Variants in ATP2C1 observed in about 807,000 individuals in gnomAD.
ATP2C1 encodes ATPase secretory pathway Ca2+ transporting 1.
Under a neutral mutation model 120.5 loss-of-function variants are expected in ATP2C1, and 31 were observed. The observed-to-expected ratio is 0.26, with a 90% CI of 0.19 to 0.35. ATP2C1 has a LOEUF of 0.35. Ranked by LOEUF, ATP2C1 falls within the 10% of genes least tolerant of loss-of-function variation. The probability of loss-of-function intolerance (pLI) is 1.00; values close to 1 mark genes in which losing one functional copy is unlikely to be tolerated. For missense variants in ATP2C1, 731 were observed against 1,107.5 expected (o/e 0.66, Z 4.83); for synonymous variants, 351 against 358.7 (o/e 0.98, Z 0.24).
At chr3:130,907,279 A>T (rs1004010125) in intron 2 of ATP2C1, among the ~76,000 whole-genome samples, 1 of 152,100 alleles carries the variant, frequency 6.6e-6, no homozygotes, top group East Asian at 1.9e-4. Flanking sequence ...GGTATCCTCT[A>T]CATCAGAAAC....
chr3:130,857,144 A>G lies in ATP2C1; in HGVS notation c.108+6216A>G, dbSNP rs369944610. Among the ~76,000 whole-genome samples the G allele has an allele frequency of 1.1e-3, 175 of 152,328 alleles. 5 individuals carry two copies. The South Asian group carries it at 0.022, about 19-fold the overall frequency. ...GTGGAACTATTTTATTATGGTAATGACAACCTTTTCCTCTATCTGAAGGGA... is the reference window on the plus strand; with the variant it reads ...GTGGAACTATTTTATTATGGTAATGGCAACCTTTTCCTCTATCTGAAGGGA... On this transcript the variant is annotated intron_variant, in intron 1 of 26. Coordinates refer to the ATP2C1 transcript ENST00000504381.
intron 2 of ATP2C1, among the ~76,000 whole-genome samples, chr3:130,925,165 CA>C (rs2059147399): frequency 6.6e-6 from 1 of 152,032 alleles, no homozygotes; most frequent in Non-Finnish European, 1.5e-5. Flanking sequence ...GTCATATTAC[CA>C]GAATTGTTTT....
chr3:130,918,549 G>C, intron 2 of ATP2C1: 1 of 745,850 alleles, frequency 1.3e-6, no homozygotes, highest in South Asian at 1.4e-5. Flanking sequence ...CTCTCACCAC[G>C]GTCCATGTTA....
chr3:130,864,545 A>G (rs1477978394), intron 1 of ATP2C1, among the ~76,000 whole-genome samples: 3 of 152,224 alleles, frequency 2.0e-5, no homozygotes, highest in African/African-American at 4.8e-5. Context: ...AGGCCATTTC[A>G]GAGACCTTCA....
intron 5 of ATP2C1, among the ~76,000 whole-genome samples, chr3:130,936,430 A>T (rs901118705): frequency 6.6e-6 from 1 of 152,214 alleles, no homozygotes; most frequent in Admixed American, 6.5e-5. Flanking sequence ...TATATTCTAC[A>T]TTGCAGATTA....
At position 131,002,403 on chromosome 3, in the gene ATP2C1, G is replaced by A. The variant is rs1304355570; in HGVS notation, c.*1053G>A. Reference sequence around the variant, plus strand: ...AGTATATGTGGAAGATTCTTTGCTGGTCTTGCTCTGTGTGCATCTGAAGCT... The same window carrying A: ...AGTATATGTGGAAGATTCTTTGCTGATCTTGCTCTGTGTGCATCTGAAGCT... On this transcript the variant is annotated 3_prime_UTR_variant, in exon 28 of 28. Transcript: ENST00000510168. 1.0e-6 allele frequency: 1 copy of A among 985,242 alleles called. No individual in the cohort carries two copies. The highest frequency in any genetic ancestry group is 6.2e-5 in the Admixed American group (1 of 16,258). The allele number at this position is 985,242 out of a possible 1,614,324, so 61.0% of individuals were successfully genotyped here.
intron 1 of ATP2C1, among the ~76,000 whole-genome samples, chr3:130,861,296 G>T (rs2068005077): frequency 6.6e-6 from 1 of 152,100 alleles, no homozygotes; most frequent in Non-Finnish European, 1.5e-5. Flanking sequence ...TTCTCTAGGA[G>T]GTGAGGTATT....
chr3:130,911,425 AG>A (rs1225416095), intron 2 of ATP2C1, among the ~76,000 whole-genome samples: 1 of 150,296 alleles, frequency 6.7e-6, no homozygotes, highest in Non-Finnish European at 1.5e-5. Context: ...ATTTTTTTGA[AG>A]GGTTTTTTGT....
At chr3:130,924,165 A>G (rs1220094377) in intron 2 of ATP2C1, among the ~76,000 whole-genome samples, 1 of 148,242 alleles carries the variant, frequency 6.7e-6, no homozygotes, top group Non-Finnish European at 1.5e-5. Flanking sequence ...TTTTCATTGC[A>G]TCATTGTTAT....
intron 19 of ATP2C1, 94 bp downstream of exon 19, chr3:130,979,513 G>T: frequency 2.3e-6 from 3 of 1,299,724 alleles, no homozygotes; most frequent in East Asian, 5.0e-5. Context: ...ATATGTTTAT[G>T]TAATATTGAG....
chr3:130,934,835 A>G (rs757690181), intron 5 of ATP2C1, 124 bp downstream of exon 5: 23 of 714,612 alleles, frequency 3.2e-5, no homozygotes, highest in Non-Finnish European at 5.4e-5. Flanking sequence ...TTCTGCTTTT[A>G]TTTTATTCTT....
chr3:130,891,968 A>G (rs1165092958), upstream of ATP2C1, among the ~76,000 whole-genome samples: 1 of 152,160 alleles, frequency 6.6e-6, no homozygotes, highest in South Asian at 2.1e-4. Flanking sequence ...TTCTTGGTAA[A>G]GTTGATCTTG....
intron 2 of ATP2C1, among the ~76,000 whole-genome samples, chr3:130,925,826 C>T (rs1447765506): frequency 6.6e-6 from 1 of 151,982 alleles, no homozygotes; most frequent in Non-Finnish European, 1.5e-5. Context: ...GGGTGTGGTT[C>T]CCAGTCCAGT....
chr3:130,929,425 G>T (rs532917648), intron 2 of ATP2C1, among the ~76,000 whole-genome samples: 1 of 152,300 alleles, frequency 6.6e-6, no homozygotes, highest in East Asian at 1.9e-4. Flanking sequence ...TTTGCTTAAA[G>T]ATACTGCTTT....
At chr3:130,999,739 T>A in intron 27 of ATP2C1, 80 bp downstream of exon 27, 1 of 1,331,254 alleles carries the variant, frequency 7.5e-7, no homozygotes, top group Non-Finnish European at 1.0e-6. Flanking sequence ...ATTTTAAAAT[T>A]CTTTTAAAAT....
At chr3:131,007,319 C>A (rs2063154254), downstream of ATP2C1, among the ~76,000 whole-genome samples, 1 of 152,196 alleles carries the variant, frequency 6.6e-6, no homozygotes, top group African/African-American at 2.4e-5. Flanking sequence ...TTTTGCTATT[C>A]CTATCCTGTT....
intron 22 of ATP2C1, among the ~76,000 whole-genome samples, 171 bp downstream of exon 22, chr3:130,994,269 G>A (rs1388858201): frequency 2.6e-5 from 4 of 152,108 alleles, no homozygotes. Flanking sequence ...TGATTTGTGT[G>A]GCTGGAACAG....
intron 7 of ATP2C1, 37 bp from the exon 8 acceptor site, chr3:130,941,554 T>G: frequency 6.4e-7 from 1 of 1,561,664 alleles, no homozygotes; most frequent in Non-Finnish European, 8.8e-7. Flanking sequence ...ATGAATTTTT[T>G]TTTTTTAACC....
Position 130,964,366 on chromosome 3 carries a change from A to G in ATP2C1, c.1024+271A>G, listed in dbSNP as rs80246483. ...TACAACAACTGAAATCTTGGAGTAA[A>G]ATTAATAGAATTTTTTTCTTGTGAC... is the stretch of plus-strand genomic sequence containing the variant. On this transcript the variant is annotated intron_variant, in intron 13 of 27. Coordinates refer to ENST00000510168, the MANE Select transcript of ATP2C1 (RefSeq NM_001378687.1). 6.6e-6 allele frequency among the ~76,000 whole-genome samples: 1 copy of G among 152,052 alleles called. No individual in the cohort carries two copies. Among genetic ancestry groups the G allele is most frequent in the Non-Finnish European group, 1.5e-5 (1 of 67,960 alleles).
Sources: gnomAD v4.1 joint callset for allele counts (sites outside exome capture counted in the v4.1 genomes callset) on GRCh38, gnomAD v4.1.1 for gene constraint, MANE v1.5 for transcripts, NCBI Gene and HGNC (gene_info 2026-07-23, HGNC 2026-07-21) for gene names.